Variants in TFEC observed in about 807,000 individuals in gnomAD.
TFEC encodes the protein transcription factor EC.
A neutral mutation model predicts 41.6 loss-of-function variants in TFEC; 31 were observed. The observed-to-expected ratio is 0.74, with a 90% CI of 0.56 to 1.01. The LOEUF (loss-of-function observed/expected upper bound fraction) is 1.01. Among genes scored for constraint, TFEC ranks in the 50% least tolerant of loss-of-function variants. The probability of loss-of-function intolerance (pLI) is 0.00; values close to 1 mark genes in which losing one functional copy is unlikely to be tolerated. For synonymous variants in TFEC, 143 were observed against 140.6 expected, an observed-to-expected ratio of 1.02 and a Z score of -0.12; for missense variants, 402 against 404.1, an observed-to-expected ratio of 0.99 and a Z score of 0.04.
chr7:115,994,625 G>T (rs1294266470), intron 1 of TFEC, among the ~76,000 whole-genome samples: 1 of 152,164 alleles, frequency 6.6e-6, no homozygotes, highest in Non-Finnish European at 1.5e-5. Context: ...TCAGAGAAAT[G>T]CAAATCAAAA....
chr7:115,992,518 A>AG (rs1183682400), intron 1 of TFEC, among the ~76,000 whole-genome samples: 11 of 152,188 alleles, frequency 7.2e-5, no homozygotes, highest in Admixed American at 6.5e-4. Context: ...AAAATAATAA[A>AG]GGGGGTGGCA....
intron 3 of TFEC, among the ~76,000 whole-genome samples, chr7:116,051,327 TG>T (rs1186404192): frequency 1.3e-5 from 2 of 152,178 alleles, no homozygotes; most frequent in Admixed American, 1.3e-4. Flanking sequence ...AATAACCTTT[TG>T]AGGAGGTACT....
chr7:116,149,067 A>G (rs924344732), intron 1 of TFEC, among the ~76,000 whole-genome samples: 1 of 152,334 alleles, frequency 6.6e-6, no homozygotes, highest in African/African-American at 2.4e-5. Flanking sequence ...ATGGCTAAGC[A>G]TCCAACTTAA....
chr7:116,052,235 T>C (rs1396622086), intron 3 of TFEC, among the ~76,000 whole-genome samples: 1 of 152,020 alleles, frequency 6.6e-6, no homozygotes, highest in East Asian at 1.9e-4. Context: ...TTAGTAAAAA[T>C]AAGAAATTCT....
At chr7:115,986,153 G>T (rs1476027437) in intron 1 of TFEC, among the ~76,000 whole-genome samples, 2 of 152,100 alleles carry the variant, frequency 1.3e-5, no homozygotes, top group Non-Finnish European at 2.9e-5. Context: ...TGATCCCAAG[G>T]TTATAGGAGT....
intron 3 of TFEC, among the ~76,000 whole-genome samples, chr7:116,089,416 G>A (rs1395222644): frequency 6.6e-6 from 1 of 152,110 alleles, no homozygotes; most frequent in Non-Finnish European, 1.5e-5. Context: ...AAGATGATTG[G>A]AAGAGGCTGA....
intron 2 of TFEC, among the ~76,000 whole-genome samples, chr7:116,111,252 A>G (rs1276797472): frequency 1.3e-5 from 2 of 152,030 alleles, no homozygotes; most frequent in African/African-American, 4.8e-5. Flanking sequence ...AAAAAAGTGG[A>G]CATGAACAAA....
intron 3 of TFEC, among the ~76,000 whole-genome samples, chr7:116,045,315 CT>C (rs1212106972): frequency 3.3e-5 from 5 of 152,212 alleles, no homozygotes; most frequent in Admixed American, 3.3e-4. Context: ...CATTTTGCCC[CT>C]GCCCTAGAGA....
chr7:116,009,750 C>T (rs900457616), intron 1 of TFEC, among the ~76,000 whole-genome samples: 1 of 152,052 alleles, frequency 6.6e-6, no homozygotes, highest in Non-Finnish European at 1.5e-5. Context: ...TATATGCATG[C>T]CTATATACGA....
At position 116,113,482 on chromosome 7, in the gene TFEC, G is replaced by T. The variant is rs76278091; in HGVS notation, c.-68-1444C>A. Among the ~76,000 whole-genome samples the T allele has an allele frequency of 8.1e-3, 1,238 of 152,056 alleles. 20 individuals are homozygous for T. The highest frequency in any genetic ancestry group is 0.028 in the African/African-American group (1,158 of 41,516). The stretch of plus-strand genomic sequence containing the variant: ...CTTGATTTGAGAATTCTGGCCTCCA[G>T]AACTGTGAAAGAATAAATTTCTCTT... On this transcript the variant is annotated intron_variant, in intron 1 of 8. Transcript: ENST00000484212.
At chr7:115,970,189 A>G (rs1339562060) in intron 3 of TFEC, among the ~76,000 whole-genome samples, 1 of 151,986 alleles carries the variant, frequency 6.6e-6, no homozygotes, top group Non-Finnish European at 1.5e-5. Context: ...AACCAGTAAA[A>G]TGAGTGAAAA....
At chr7:116,014,780 A>G (rs182237782) in intron 1 of TFEC, among the ~76,000 whole-genome samples, 8 of 152,234 alleles carry the variant, frequency 5.3e-5, no homozygotes, top group Non-Finnish European at 1.2e-4. Context: ...GGTTCTTATA[A>G]GATGGTGACA....
chr7:116,087,372 T>C (rs887649562), intron 3 of TFEC, among the ~76,000 whole-genome samples: 2 of 152,018 alleles, frequency 1.3e-5, no homozygotes, highest in African/African-American at 4.8e-5. Flanking sequence ...AAAATATACA[T>C]TTTATTAAAA....
chr7:116,018,833 T>A (rs1317982717), intron 1 of TFEC, among the ~76,000 whole-genome samples: 1 of 152,136 alleles, frequency 6.6e-6, no homozygotes, highest in Non-Finnish European at 1.5e-5. Context: ...CCAACTGAGA[T>A]GGAAGACCAC....
chr7:116,017,754 T>C (rs1260065546), intron 1 of TFEC, among the ~76,000 whole-genome samples: 3 of 152,218 alleles, frequency 2.0e-5, no homozygotes, highest in African/African-American at 7.2e-5. Context: ...TCTTGGGTTC[T>C]ACAAAAGCAT....
intron 3 of TFEC, among the ~76,000 whole-genome samples, chr7:116,059,564 C>G (rs1028680030): frequency 6.6e-6 from 1 of 151,832 alleles, no homozygotes; most frequent in African/African-American, 2.4e-5. Context: ...GTATCCTTTG[C>G]GAGCATAAAT....
chr7:116,022,584 A>G lies in TFEC; in HGVS notation c.-73+8049T>C, dbSNP rs184671900. On this transcript the variant is annotated intron_variant, in intron 1 of 7. Coordinates refer to ENST00000265440, the MANE Select transcript of TFEC (RefSeq NM_012252.4). Reference sequence around the variant, plus strand: ...GATTACTAAGTGATTAAATGTTAGTAAAATATTTTCAACAGGGCAGGGTAA... The same window carrying G: ...GATTACTAAGTGATTAAATGTTAGTGAAATATTTTCAACAGGGCAGGGTAA... Among the ~76,000 whole-genome samples, 655 of 152,324 alleles carry G rather than the reference A, an allele frequency of 4.3e-3. 10 individuals are homozygous for G. Among genetic ancestry groups the G allele is most frequent in the African/African-American group, 0.013 (560 of 41,566 alleles).
chr7:115,992,422 G>A (rs1038343545), intron 1 of TFEC, among the ~76,000 whole-genome samples: 1 of 152,146 alleles, frequency 6.6e-6, no homozygotes, highest in African/African-American at 2.4e-5. Flanking sequence ...CCAGGAGCTG[G>A]TGTTTCGAAA....
intron 5 of TFEC, among the ~76,000 whole-genome samples, chr7:115,951,642 G>A (rs1791949650): frequency 1.3e-5 from 2 of 152,040 alleles, no homozygotes; most frequent in African/African-American, 4.8e-5. Context: ...ATTTTAGTGT[G>A]TCCTGGAAGT....
Sources: gnomAD v4.1 joint callset for allele counts (sites outside exome capture counted in the v4.1 genomes callset) on GRCh38, gnomAD v4.1.1 for gene constraint, MANE v1.5 for transcripts, NCBI Gene and HGNC (gene_info 2026-07-23, HGNC 2026-07-21) for gene names.